Variants in PIAS3 observed in about 807,000 individuals in gnomAD.
The protein encoded by PIAS3 is E3 SUMO-protein ligase PIAS3.
A neutral mutation model predicts 67.6 loss-of-function variants in PIAS3; 34 were observed. The ratio of observed to expected loss-of-function variants is 0.50; its 90% CI spans 0.38 to 0.67. PIAS3 has a LOEUF of 0.67. PIAS3 is among the 30% of genes least tolerant of loss of function. The probability of loss-of-function intolerance (pLI) is 0.00; values close to 1 mark genes in which losing one functional copy is unlikely to be tolerated. For synonymous variants in PIAS3, 341 were observed against 313.8 expected (o/e 1.09, Z -0.92); for missense variants, 693 against 791.6 (o/e 0.88, Z 1.49).
intron 5 of PIAS3, 93 bp from the exon 6 acceptor site, chr1:145,854,973 C>T: frequency 2.7e-6 from 4 of 1,492,014 alleles, no homozygotes; most frequent in Non-Finnish European, 3.7e-6. Flanking sequence ...GTTATTCAAT[C>T]CCTGGAGGGA....
chr1:145,851,024 C>T lies in PIAS3; in HGVS notation c.1275G>A (p.Leu425=), dbSNP rs782044622. The part of the protein sequence containing the change: ...SEVCPPPGYG[L]DGLQYSPVQG... ...GGGGAACAGGGGGTCACTCACCATCCAGCCCATACCCTGGCGGGGGGCAAA... is the reference window on the plus strand; with the variant it reads ...GGGGAACAGGGGGTCACTCACCATCTAGCCCATACCCTGGCGGGGGGCAAA... The change falls in exon 10 of 14, where the codon CTG becomes CTA. Residue 425 remains leucine (L), a synonymous_variant. Coordinates refer to ENST00000393045, the MANE Select transcript of PIAS3 (RefSeq NM_006099.3). The T allele has an allele frequency of 1.2e-6, 2 of 1,614,222 alleles. No homozygotes were observed. The highest frequency in any genetic ancestry group is 1.7e-5 in the Admixed American group (1 of 60,014).
intron 9 of PIAS3, among the ~76,000 whole-genome samples, chr1:145,851,560 G>A (rs1553734373): frequency 6.7e-6 from 1 of 150,204 alleles, no homozygotes; most frequent in South Asian, 2.1e-4. Context: ...GGAGGCTGAG[G>A]CACGAGAATC....
rs1553734194 is a variant in PIAS3, at chr1:145,850,917, C to A, written c.1302G>T (p.Gln434His). The stretch of plus-strand genomic sequence containing the variant: ...TCTTATTCTCTGATGGATCTCCCCC[C>A]TGGACTGGGCTGTACTGGAGGCCTG... Reference protein sequence around the residue: ...GLDGLQYSPVQGGDPSENKKK... With the variant: ...GLDGLQYSPVHGGDPSENKKK... Residue 434 changes from glutamine (Q) to histidine (H), a missense_variant, in exon 11 of 14, where the codon CAG becomes CAT. Physicochemically the swap from Gln to His is conservative, Grantham distance 24. Transcript: ENST00000393045. 1.5e-5 allele frequency: 24 copies of A among 1,614,214 alleles called. No homozygotes were observed. Among genetic ancestry groups the A allele is most frequent in the Non-Finnish European group, 2.0e-5 (24 of 1,180,036 alleles).
At chr1:145,857,650 G>A (rs1048563005) in intron 1 of PIAS3, among the ~76,000 whole-genome samples, 13 of 152,092 alleles carry the variant, frequency 8.5e-5, no homozygotes, top group African/African-American at 3.1e-4. Context: ...TCTTGGAATC[G>A]TTTATATAAC....
chr1:145,853,573 T>G lies in PIAS3; in HGVS notation c.1076A>C (p.Glu359Ala), dbSNP rs1298562330. The change falls in exon 9 of 14, where the codon GAG (glutamate) becomes GCG (alanine). Residue 359 changes from glutamate (E) to alanine (A), a missense_variant. Around this residue, in one of 3 missense-constraint regions of PIAS3, gnomAD observed 115 missense variants for 181.8 expected, o/e 0.63. Coordinates refer to ENST00000393045, the MANE Select transcript of PIAS3 (RefSeq NM_006099.3). ...FDAALYLQMN[E>A]KKPTWTCPVC... is the part of the protein sequence containing the mutation. Reference sequence around the variant, plus strand: ...AGGACATGTCCATGTAGGCTTCTTCTCATTCATCTGTAGATAAAGGGCAGC... The same window carrying G: ...AGGACATGTCCATGTAGGCTTCTTCGCATTCATCTGTAGATAAAGGGCAGC... The G allele has an allele frequency of 6.2e-7, 1 of 1,614,082 alleles. No individual in the cohort carries two copies. The highest frequency in any genetic ancestry group is 8.5e-7 in the Non-Finnish European group (1 of 1,179,968).
chr1:145,850,665 G>T, intron 11 of PIAS3, 79 bp from the exon 12 acceptor site: 1 of 1,596,004 alleles, frequency 6.3e-7, no homozygotes, highest in Non-Finnish European at 8.6e-7. Context: ...TTCCCTCTCT[G>T]TCCCCTCCAC....
At chr1:145,857,599 T>C (rs1215359323) in intron 1 of PIAS3, among the ~76,000 whole-genome samples, 1 of 152,178 alleles carries the variant, frequency 6.6e-6, no homozygotes, top group African/African-American at 2.4e-5. Flanking sequence ...GGCCAGGGTT[T>C]TCAGGTCAGG....
intron 5 of PIAS3, 121 bp downstream of exon 5, chr1:145,855,615 T>C (rs1653140540): frequency 3.0e-6 from 2 of 676,168 alleles, no homozygotes; most frequent in Non-Finnish European, 5.3e-6. Context: ...GTCAGTAAAC[T>C]GAGCACCTAC....
Position 145,854,799 on chromosome 1 carries a change from A to AC in PIAS3, c.750_751insG (p.Ser251ValfsTer15). The AC allele has an allele frequency of 6.2e-7, 1 of 1,614,144 alleles. No homozygotes were observed. The highest frequency in any genetic ancestry group is 8.5e-7 in the Non-Finnish European group (1 of 1,180,008). ...ACAATGGTGTTGGGAACAGTGGCTG[A>AC]GAGTCGAGCCAGGGGTGTGATGTTG... On this transcript the variant is annotated frameshift_variant, in exon 6 of 14. Transcript: ENST00000393045. LOFTEE classifies it high-confidence loss of function.
rs1204452226 is a variant in PIAS3 at position 145,850,563 on chromosome 1, G to A, written c.1472C>T (p.Pro491Leu). Reference protein sequence around the residue: ...SKGVLTSGHQPSSVLRSPAMG... With the variant: ...SKGVLTSGHQLSSVLRSPAMG... ...AGCAGGGCTCCTTAGCACCGAGGAT[G>A]GCTGGTGGCCAGATGTCAGGACTCT... is the stretch of plus-strand genomic sequence containing the variant. The change falls in exon 12 of 14, where the codon CCA becomes CTA. Residue 491 changes from proline (P) to leucine (L), a missense_variant. Around this residue, in one of 3 missense-constraint regions of PIAS3, gnomAD observed 270 missense variants for 261.0 expected, o/e 1.03. Coordinates refer to ENST00000393045, the MANE Select transcript of PIAS3 (RefSeq NM_006099.3). 1.9e-6 allele frequency: 3 copies of A among 1,614,090 alleles called. No individual in the cohort carries two copies. The highest frequency in any genetic ancestry group is 2.7e-5 in the African/African-American group (2 of 74,934).
In PIAS3 at chr1:145,850,897, T is replaced by G. The variant is rs1214118809; in HGVS notation, c.1322A>C (p.Asn441Thr). ...SPVQGGDPSE[N>T]KKKVEVIDLT... is the part of the protein sequence containing the mutation. Reference sequence around the variant, plus strand: ...GTCAATAACTTCGACCTTCTTCTTATTCTCTGATGGATCTCCCCCCTGGAC... The same window carrying G: ...GTCAATAACTTCGACCTTCTTCTTAGTCTCTGATGGATCTCCCCCCTGGAC... Residue 441 changes from asparagine (N) to threonine (T), a missense_variant, in exon 11 of 14, where the codon AAT becomes ACT. Transcript: ENST00000393045. The G allele has an allele frequency of 5.6e-6, 9 of 1,614,072 alleles. No individual in the cohort carries two copies. The highest frequency in any genetic ancestry group is 7.6e-6 in the Non-Finnish European group (9 of 1,180,046).
rs1559163843 is a variant in PIAS3 at position 145,853,834 on chromosome 1, G to A, written c.963C>T (p.Leu321=). ...CCACCGGGCACATGAGTGACACCCG[G>A]AGACTTGTAGTGGCCACCTCACTGT... The part of the protein sequence containing the change: ...DPDSEVATTS[L]RVSLMCPLGK... Residue 321 remains leucine, a synonymous_variant, in exon 8 of 14, where the codon CTC becomes CTT. Coordinates refer to ENST00000393045, the MANE Select transcript of PIAS3 (RefSeq NM_006099.3). 6.2e-7 allele frequency: 1 copy of A among 1,614,078 alleles called. No individual in the cohort carries two copies. The highest frequency in any genetic ancestry group is 1.7e-5 in the Admixed American group (1 of 60,028).
At chr1:145,855,075 C>T (rs781907087) in intron 5 of PIAS3, among the ~76,000 whole-genome samples, 195 bp from the exon 6 acceptor site, 42 of 152,192 alleles carry the variant, frequency 2.8e-4, no homozygotes, top group Non-Finnish European at 4.9e-4. Context: ...GTGTGGGGTT[C>T]ACTCCTGGGG....
At chr1:145,854,065 G>T in intron 7 of PIAS3, 179 bp from the exon 8 acceptor site, 4 of 610,018 alleles carry the variant, frequency 6.6e-6, no homozygotes, top group Non-Finnish European at 1.2e-5. Context: ...TGGGTGTGGG[G>T]GATTTTCCCA....
At chr1:145,855,892 A>C (rs1251353421) in intron 4 of PIAS3, 66 bp from the exon 5 acceptor site, 8 of 1,174,326 alleles carry the variant, frequency 6.8e-6, no homozygotes, top group Non-Finnish European at 1.0e-5. Context: ...TGGCAGAGAG[A>C]CAGGGAACCC....
chr1:145,858,303 G>C (rs1275292245), intron 1 of PIAS3, among the ~76,000 whole-genome samples: 1 of 151,766 alleles, frequency 6.6e-6, no homozygotes, highest in African/African-American at 2.4e-5. Context: ...TTCTCCATTA[G>C]CTTCCCCTAT....
chr1:145,854,250 T>C (rs1271564717), intron 7 of PIAS3: 3 of 604,364 alleles, frequency 5.0e-6, no homozygotes, highest in Non-Finnish European at 8.8e-6. Flanking sequence ...AGCAGATACA[T>C]GATTGGAAAT....
At chr1:145,854,905 T>A in intron 5 of PIAS3, 25 bp from the exon 6 acceptor site, 2 of 1,612,890 alleles carry the variant, frequency 1.2e-6, no homozygotes, top group South Asian at 1.1e-5. Context: ...GATTGGTCAG[T>A]GGAGAAGTGG....
rs782816287 is a variant in PIAS3 at position 145,857,961 on chromosome 1, C to G, written c.25-955G>C. ...GCAAATCCCCTGAAGGTAGCTGGGC[C>G]CAGTGGCTAGACCTCCAGCCTTCCC... On this transcript the variant is annotated intron_variant, in intron 1 of 13. Transcript: ENST00000393045. Among the ~76,000 whole-genome samples, 9 of 152,236 alleles carry G rather than the reference C, an allele frequency of 5.9e-5. No individual in the cohort carries two copies. The South Asian group carries it at 1.5e-3, about 25-fold the overall frequency.
Sources: allele counts gnomAD v4.1 joint callset (sites outside exome capture counted in the v4.1 genomes callset), GRCh38; gene constraint gnomAD v4.1.1; regional missense constraint gnomAD v4.1.1; transcripts MANE v1.5; gene names NCBI Gene and HGNC (gene_info 2026-07-23, HGNC 2026-07-21).